SLC35F4: variants seen among roughly 807,000 people sequenced by gnomAD.
SLC35F4 encodes the protein chromosome 14 open reading frame 36.
In SLC35F4, 24 loss-of-function variants were observed where a neutral mutation model predicts 44.2. The ratio of observed to expected loss-of-function variants is 0.54; its 90% CI spans 0.39 to 0.76. The LOEUF (loss-of-function observed/expected upper bound fraction) is 0.76, where lower values mean the gene tolerates loss of function less well. Ranked by LOEUF, SLC35F4 falls within the 30% of genes least tolerant of loss-of-function variation. SLC35F4 has a pLI of 0.00. For missense variants in SLC35F4, 562 were observed against 586.1 expected, an observed-to-expected ratio of 0.96 and a Z score of 0.42; for synonymous variants, 238 against 223.6, an observed-to-expected ratio of 1.06 and a Z score of -0.57.
At chr14:57,944,073 A>G (rs1889964272) in intron 1 of SLC35F4, among the ~76,000 whole-genome samples, 2 of 109,308 alleles carry the variant, frequency 1.8e-5, no homozygotes, top group Admixed American at 8.8e-5. Context: ...TGTCCTCCAC[A>G]CGAGCTCCAC....
At chr14:57,647,975 C>T (rs993805983) in intron 1 of SLC35F4, among the ~76,000 whole-genome samples, 3 of 152,134 alleles carry the variant, frequency 2.0e-5, no homozygotes, top group Non-Finnish European at 4.4e-5. Flanking sequence ...TTTCCACTTG[C>T]CCATGCTTTA....
chr14:57,939,540 C>A (rs1889877838), intron 1 of SLC35F4, among the ~76,000 whole-genome samples: 1 of 152,174 alleles, frequency 6.6e-6, no homozygotes, highest in African/African-American at 2.4e-5. Context: ...CATGTAAAGC[C>A]ACCCTCTCCC....
At chr14:57,778,448 GC>G (rs1035643512) in intron 1 of SLC35F4, among the ~76,000 whole-genome samples, 13 of 151,672 alleles carry the variant, frequency 8.6e-5, no homozygotes, top group Non-Finnish European at 1.6e-4. Context: ...AAATATATAT[GC>G]GCCCAACACA....
At chr14:57,952,956 C>T (rs540835862) in intron 1 of SLC35F4, among the ~76,000 whole-genome samples, 24 of 152,050 alleles carry the variant, frequency 1.6e-4, no homozygotes, top group African/African-American at 5.5e-4. Flanking sequence ...AGATACTCCT[C>T]GAGAAGAGCA....
At chr14:57,781,033 A>G (rs2140743245) in intron 1 of SLC35F4, among the ~76,000 whole-genome samples, 1 of 152,324 alleles carries the variant, frequency 6.6e-6, no homozygotes, top group South Asian at 2.1e-4. Flanking sequence ...GAAGACACCA[A>G]AAGCAATTAC....
intron 1 of SLC35F4, among the ~76,000 whole-genome samples, chr14:57,737,773 A>G (rs947057342): frequency 3.3e-5 from 5 of 152,226 alleles, no homozygotes; most frequent in African/African-American, 1.2e-4. Flanking sequence ...GTGGCAGAGC[A>G]ATTGGAACAA....
At chr14:57,715,840 G>T (rs1227731810) in intron 1 of SLC35F4, among the ~76,000 whole-genome samples, 1 of 152,102 alleles carries the variant, frequency 6.6e-6, no homozygotes, top group Non-Finnish European at 1.5e-5. Context: ...GTTCAAGATG[G>T]CATAGGTATA....
intron 1 of SLC35F4, among the ~76,000 whole-genome samples, chr14:57,968,450 T>A (rs938859571): frequency 6.6e-6 from 1 of 152,234 alleles, no homozygotes; most frequent in Non-Finnish European, 1.5e-5. Flanking sequence ...TATTTGGACA[T>A]TGACCTACTG....
intron 1 of SLC35F4, among the ~76,000 whole-genome samples, chr14:57,958,319 A>G (rs1890278784): frequency 6.6e-6 from 1 of 152,144 alleles, no homozygotes; most frequent in Non-Finnish European, 1.5e-5. Flanking sequence ...CAGCCTCCCA[A>G]AGTGCTGAGA....
At chr14:57,717,468 C>T (rs1438568129) in intron 1 of SLC35F4, among the ~76,000 whole-genome samples, 1 of 152,076 alleles carries the variant, frequency 6.6e-6, no homozygotes, top group Non-Finnish European at 1.5e-5. Flanking sequence ...AATCCTGTCT[C>T]TACTAAAAAT....
At chr14:57,742,611 T>A (rs575642049) in intron 1 of SLC35F4, among the ~76,000 whole-genome samples, 1 of 152,002 alleles carries the variant, frequency 6.6e-6, no homozygotes, top group African/African-American at 2.4e-5. Flanking sequence ...AAGACTCCCA[T>A]GCAATAATAA....
chr14:57,940,889 C>T (rs1258101998), intron 1 of SLC35F4, among the ~76,000 whole-genome samples: 1 of 152,188 alleles, frequency 6.6e-6, no homozygotes, highest in Non-Finnish European at 1.5e-5. Context: ...TTTCAGATGA[C>T]CTGACATCAT....
chr14:57,759,969 G>T, intron 1 of SLC35F4, among the ~76,000 whole-genome samples: 1 of 148,634 alleles, frequency 6.7e-6, no homozygotes, highest in African/African-American at 2.5e-5. Flanking sequence ...TATATGACTT[G>T]CAGTTCTTTT....
intron 1 of SLC35F4, among the ~76,000 whole-genome samples, chr14:57,800,168 T>C (rs2078157082): frequency 6.6e-6 from 1 of 152,194 alleles, no homozygotes; most frequent in African/African-American, 2.4e-5. Context: ...CTGGCTGCCA[T>C]CTTTGCTCTT....
intron 1 of SLC35F4, among the ~76,000 whole-genome samples, chr14:57,692,912 T>G (rs1340651815): frequency 1.3e-5 from 2 of 152,140 alleles, no homozygotes; most frequent in Admixed American, 1.3e-4. Flanking sequence ...TGTACACAAG[T>G]CCATTTAGAT....
intron 1 of SLC35F4, among the ~76,000 whole-genome samples, chr14:57,653,820 CG>C (rs1459802001): frequency 1.3e-5 from 2 of 152,138 alleles, no homozygotes; most frequent in Non-Finnish European, 2.9e-5. Flanking sequence ...GCACCATAAA[CG>C]GAGTGACTTA....
At chr14:57,676,183 T>C (rs1204925359) in intron 1 of SLC35F4, among the ~76,000 whole-genome samples, 1 of 152,084 alleles carries the variant, frequency 6.6e-6, no homozygotes, top group Non-Finnish European at 1.5e-5. Context: ...TTGTGAATAG[T>C]GCTGCAATGA....
intron 1 of SLC35F4, among the ~76,000 whole-genome samples, chr14:57,745,585 C>T (rs914824694): frequency 6.6e-6 from 1 of 152,154 alleles, no homozygotes; most frequent in Non-Finnish European, 1.5e-5. Context: ...CAGGAAACAA[C>T]AGGTGCTGGA....
chr14:57,839,530 A>C (rs1885282273), intron 1 of SLC35F4, among the ~76,000 whole-genome samples: 1 of 152,166 alleles, frequency 6.6e-6, no homozygotes, highest in African/African-American at 2.4e-5. Flanking sequence ...GAGCTGTATG[A>C]TGAGAACATA....
Sources: gnomAD v4.1 joint callset for allele counts (sites outside exome capture counted in the v4.1 genomes callset) on GRCh38, gnomAD v4.1.1 for gene constraint, MANE v1.5 for transcripts, NCBI Gene and HGNC (gene_info 2026-07-23, HGNC 2026-07-21) for gene names.